ASB4: variants seen among roughly 807,000 people sequenced by gnomAD.
ASB4 encodes the protein ankyrin repeat and SOCS box protein 4.
Under a neutral mutation model 38.6 loss-of-function variants are expected in ASB4, and 35 were observed. The ratio of observed to expected loss-of-function variants is 0.91; its 90% CI spans 0.69 to 1.20. ASB4 has a LOEUF of 1.20. Ranked by LOEUF, ASB4 falls within the 50% of genes most tolerant of loss-of-function variation. The probability of loss-of-function intolerance (pLI) is 0.00; values close to 1 mark genes in which losing one functional copy is unlikely to be tolerated. For synonymous variants in ASB4, 195 were observed against 201.3 expected (o/e 0.97, Z 0.26); for missense variants, 557 against 527.2 (o/e 1.06, Z -0.55).
chr7:95,515,167 C>CTTTCTTTCTT (rs759056780), intron 2 of ASB4, among the ~76,000 whole-genome samples: 75 of 89,800 alleles, frequency 8.4e-4, no homozygotes, highest in South Asian at 3.2e-3. Context: ...CTTTCTCTTT[C>CTTTCTTTCTT]TCTTTCTTTC....
intron 2 of ASB4, among the ~76,000 whole-genome samples, chr7:95,520,881 G>T (rs113786528): frequency 0.034 from 5,192 of 151,916 alleles, 108 homozygotes; most frequent in Middle Eastern, 0.075. Context: ...TATTTGGTGG[G>T]GTAAGTACCC....
At chr7:95,528,700 A>G in intron 3 of ASB4, 3 of 1,075,328 alleles carry the variant, frequency 2.8e-6, no homozygotes, top group Non-Finnish European at 3.4e-6. Context: ...GCTTGTAGCC[A>G]TGAAAGGGCC....
chr7:95,537,603 T>G lies in ASB4; in HGVS notation c.1125T>G (p.Thr375=), dbSNP rs762240646. The change falls in exon 5 of 5, where the codon ACT becomes ACG. Residue 375 remains threonine (T), a synonymous_variant. Transcript: ENST00000325885. ...KYWDFYHSLF[T]VCCNSPRTLM... ...GGGATTTTTACCACTCTCTCTTTAC[T>G]GTGTGCTGTAACTCTCCAAGGACTC... The G allele has an allele frequency of 6.2e-7, 1 of 1,611,074 alleles. No homozygotes were observed. Among genetic ancestry groups the G allele is most frequent in the Non-Finnish European group, 8.5e-7 (1 of 1,178,510 alleles).
At chr7:95,502,823 A>T (rs1282747103) in intron 2 of ASB4, among the ~76,000 whole-genome samples, 1 of 152,160 alleles carries the variant, frequency 6.6e-6, no homozygotes, top group African/African-American at 2.4e-5. Flanking sequence ...GGCACTTTTA[A>T]TTTTTAAATG....
At chr7:95,497,982 A>T (rs910563270) in intron 2 of ASB4, among the ~76,000 whole-genome samples, 4 of 152,222 alleles carry the variant, frequency 2.6e-5, no homozygotes, top group African/African-American at 9.6e-5. Context: ...AGAAAGGCTG[A>T]TATAAACATT....
intron 2 of ASB4, among the ~76,000 whole-genome samples, chr7:95,512,425 T>C (rs1016155724): frequency 1.3e-5 from 2 of 152,184 alleles, no homozygotes; most frequent in Non-Finnish European, 2.9e-5. Context: ...AGTATCTTTA[T>C]GTTGTCTAGA....
the ASB4 span, among the ~76,000 whole-genome samples, chr7:95,546,172 G>C: frequency 6.6e-6 from 1 of 152,208 alleles, no homozygotes; most frequent in East Asian, 1.9e-4. Flanking sequence ...TATTATTATA[G>C]TCCCACCCTG....
chr7:95,484,165 A>C (rs1270612161), upstream of ASB4, among the ~76,000 whole-genome samples: 1 of 151,946 alleles, frequency 6.6e-6, no homozygotes, highest in Non-Finnish European at 1.5e-5. Context: ...CTGTCTCTTC[A>C]AAAAAACACA....
intron 4 of ASB4, among the ~76,000 whole-genome samples, chr7:95,537,116 G>C (rs1790899154): frequency 6.6e-6 from 1 of 152,066 alleles, no homozygotes; most frequent in South Asian, 2.1e-4. Flanking sequence ...AGAGGTATCA[G>C]GCACAGGGTG....
chr7:95,481,764 G>C (rs1465727507), upstream of ASB4, among the ~76,000 whole-genome samples: 1 of 152,138 alleles, frequency 6.6e-6, no homozygotes, highest in African/African-American at 2.4e-5. Flanking sequence ...AGTACACCAG[G>C]GTCTTACGGG....
chr7:95,495,611 A>G, intron 1 of ASB4, 147 bp from the exon 2 acceptor site: 2 of 710,090 alleles, frequency 2.8e-6, no homozygotes, highest in South Asian at 2.0e-5. Context: ...CCCATTAGCT[A>G]TTAGTTTAAA....
At chr7:95,510,195 G>A (rs558780702) in intron 2 of ASB4, among the ~76,000 whole-genome samples, 4 of 152,144 alleles carry the variant, frequency 2.6e-5, no homozygotes, top group Non-Finnish European at 4.4e-5. Context: ...AAAAACTGTC[G>A]ATGTTTCTTC....
chr7:95,500,927 G>A (rs1392158358), intron 2 of ASB4, among the ~76,000 whole-genome samples: 4 of 152,046 alleles, frequency 2.6e-5, no homozygotes. Context: ...CAGGGACAAG[G>A]TTAGGCATAA....
intron 2 of ASB4, among the ~76,000 whole-genome samples, chr7:95,497,000 T>C (rs1315993436): frequency 6.6e-6 from 1 of 151,864 alleles, no homozygotes; most frequent in Non-Finnish European, 1.5e-5. Flanking sequence ...ATTAAACAGA[T>C]AGAAGAGGGC....
chr7:95,535,767 A>G (rs1286831211), intron 3 of ASB4, among the ~76,000 whole-genome samples: 1 of 152,208 alleles, frequency 6.6e-6, no homozygotes, highest in Non-Finnish European at 1.5e-5. Context: ...TCATTTGTTA[A>G]TGAAAGGTAA....
chr7:95,484,254 C>T (rs1196119000), upstream of ASB4, among the ~76,000 whole-genome samples: 1 of 152,052 alleles, frequency 6.6e-6, no homozygotes, highest in Non-Finnish European at 1.5e-5. Flanking sequence ...ATGGCTTGAG[C>T]CTGAGAGGCA....
chr7:95,510,454 A>G (rs1000110419), intron 2 of ASB4, among the ~76,000 whole-genome samples: 3 of 152,232 alleles, frequency 2.0e-5, no homozygotes, highest in African/African-American at 7.2e-5. Flanking sequence ...ACTTTGATCA[A>G]TTTCTAATTT....
chr7:95,512,616 G>A lies in ASB4; in HGVS notation c.488-15197G>A, dbSNP rs1240748482. 2.0e-5 allele frequency among the ~76,000 whole-genome samples: 3 copies of A among 151,560 alleles called. No homozygotes were observed. The East Asian group carries it at 5.8e-4, about 29-fold the overall frequency. On this transcript the variant is annotated intron_variant, in intron 2 of 4. Coordinates refer to ENST00000325885, the MANE Select transcript of ASB4 (RefSeq NM_016116.3). ...TAATGTGAATTGTAAAGATACAAAGGTACATAAAATCTACACATTTATTTA... is the reference window on the plus strand; with the variant it reads ...TAATGTGAATTGTAAAGATACAAAGATACATAAAATCTACACATTTATTTA...
intron 2 of ASB4, among the ~76,000 whole-genome samples, chr7:95,508,762 G>A (rs1790443002): frequency 6.6e-6 from 1 of 152,150 alleles, no homozygotes; most frequent in South Asian, 2.1e-4. Context: ...TTATTAAAAT[G>A]ATAAAATATG....
Sources: gnomAD v4.1 joint callset for allele counts (sites outside exome capture counted in the v4.1 genomes callset) on GRCh38, gnomAD v4.1.1 for gene constraint, MANE v1.5 for transcripts, NCBI Gene and HGNC (gene_info 2026-07-23, HGNC 2026-07-21) for gene names.